The following KIAA1217 variants were observed in gnomAD, a reference collection of about 807,000 sequenced individuals.
The protein encoded by KIAA1217 is sickle tail protein homolog.
In KIAA1217, 88 loss-of-function variants were observed where a neutral mutation model predicts 163.9. The ratio of observed to expected loss-of-function variants is 0.54; its 90% CI spans 0.45 to 0.64. KIAA1217 has a LOEUF of 0.64. Ranked by LOEUF, KIAA1217 falls within the 30% of genes least tolerant of loss-of-function variation. KIAA1217 has a pLI of 0.00. For synonymous variants in KIAA1217, 903 were observed against 923.1 expected (o/e 0.98, Z 0.39); for missense variants, 2,372 against 2,475.0 (o/e 0.96, Z 0.88).
intron 1 of KIAA1217, among the ~76,000 whole-genome samples, chr10:23,846,065 G>T (rs183521292): frequency 1.6e-4 from 25 of 152,124 alleles, no homozygotes; most frequent in Admixed American, 8.5e-4. Flanking sequence ...TTTTTCTGAG[G>T]CCCCTGTTCT....
At chr10:24,017,464 G>A (rs142129714) in intron 2 of KIAA1217, among the ~76,000 whole-genome samples, 2 of 152,100 alleles carry the variant, frequency 1.3e-5, no homozygotes, top group East Asian at 3.9e-4. Context: ...CCACACAGAT[G>A]CCAACCTTAA....
intron 9 of KIAA1217, among the ~76,000 whole-genome samples, chr10:24,502,339 C>G (rs2067764544): frequency 6.8e-6 from 1 of 146,392 alleles, no homozygotes; most frequent in Admixed American, 7.0e-5. Flanking sequence ...GGAAAAAAAG[C>G]CATCATGGTG....
chr10:24,347,605 T>C (rs2047949897), intron 2 of KIAA1217, among the ~76,000 whole-genome samples: 1 of 152,156 alleles, frequency 6.6e-6, no homozygotes, highest in Admixed American at 6.5e-5. Context: ...AATATTTTGT[T>C]TTCATAGCTG....
chr10:24,099,362 G>A (rs371717946), intron 2 of KIAA1217, among the ~76,000 whole-genome samples: 321 of 151,100 alleles, frequency 2.1e-3, no homozygotes, highest in African/African-American at 6.8e-3. Flanking sequence ...AGGTCCCAGT[G>A]AGTGAAGTTC....
At chr10:23,852,457 C>T (rs1839400946) in intron 1 of KIAA1217, among the ~76,000 whole-genome samples, 1 of 152,112 alleles carries the variant, frequency 6.6e-6, no homozygotes, top group Non-Finnish European at 1.5e-5. Context: ...GTGATGCCTC[C>T]AGCTTTGTTC....
At chr10:24,538,979 G>T (rs1361965201) in intron 17 of KIAA1217, among the ~76,000 whole-genome samples, 1 of 151,846 alleles carries the variant, frequency 6.6e-6, no homozygotes, top group Non-Finnish European at 1.5e-5. Flanking sequence ...TGATCCACCC[G>T]CCTCAGCCTC....
At chr10:24,145,389 T>C (rs1162367570) in intron 2 of KIAA1217, among the ~76,000 whole-genome samples, 1 of 152,360 alleles carries the variant, frequency 6.6e-6, no homozygotes, top group Admixed American at 6.5e-5. Flanking sequence ...AACTAAGTAT[T>C]GTACACACCT....
chr10:24,206,054 T>C (rs1484066148), upstream of KIAA1217, among the ~76,000 whole-genome samples: 1 of 152,202 alleles, frequency 6.6e-6, no homozygotes, highest in Non-Finnish European at 1.5e-5. Context: ...TTGTTTTATG[T>C]GGTAGCTCAT....
intron 16 of KIAA1217, among the ~76,000 whole-genome samples, chr10:24,534,993 C>T (rs2073784136): frequency 2.0e-5 from 3 of 151,756 alleles, no homozygotes; most frequent in Non-Finnish European, 4.4e-5. Flanking sequence ...AAATCCGCAA[C>T]TCGATCAATG....
At chr10:24,076,831 A>G (rs1052423486) in intron 2 of KIAA1217, among the ~76,000 whole-genome samples, 1 of 151,906 alleles carries the variant, frequency 6.6e-6, no homozygotes, top group Non-Finnish European at 1.5e-5. Flanking sequence ...AGATGCTGTT[A>G]TACTTTCAGA....
intron 1 of KIAA1217, among the ~76,000 whole-genome samples, chr10:23,844,404 T>G (rs142289209): frequency 0.014 from 2,165 of 152,314 alleles, 31 homozygotes; most frequent in Non-Finnish European, 0.025. Flanking sequence ...CTTACTCTCC[T>G]TCAGCCTACT....
chr10:23,724,108 C>G (rs1249277503), intron 1 of KIAA1217, among the ~76,000 whole-genome samples: 1 of 152,152 alleles, frequency 6.6e-6, no homozygotes, highest in African/African-American at 2.4e-5. Context: ...AGAACGGCAC[C>G]AAGGGGATGG....
At chr10:23,967,310 G>A (rs1845102993) in intron 1 of KIAA1217, among the ~76,000 whole-genome samples, 1 of 151,942 alleles carries the variant, frequency 6.6e-6, no homozygotes, top group South Asian at 2.1e-4. Context: ...TAACAGAAAT[G>A]AATAAGAAGA....
At position 23,858,523 on chromosome 10, in the gene KIAA1217, CAT is replaced by C. The variant is rs202152484; in HGVS notation, c.-320-148701_-320-148700del. Among the ~76,000 whole-genome samples the C allele has an allele frequency of 4.7e-4, 71 of 151,982 alleles. No homozygotes were observed. The East Asian group carries it at 0.013, about 27-fold the overall frequency. ...CACATCTTTAGAGCAGTTGTATACACATGTCTATAGCAGATATCAGTATCATT... is the reference window on the plus strand; with the variant it reads ...CACATCTTTAGAGCAGTTGTATACACGTCTATAGCAGATATCAGTATCATT... On this transcript the variant is annotated intron_variant, in intron 1 of 18. Transcript: ENST00000376462.
intron 5 of KIAA1217, among the ~76,000 whole-genome samples, chr10:24,456,447 T>G (rs2061798888): frequency 6.6e-6 from 1 of 152,144 alleles, no homozygotes; most frequent in South Asian, 2.1e-4. Flanking sequence ...ACAACAATGA[T>G]GGAACTCATT....
At chr10:23,940,460 C>CAAAAAA (rs760090400) in intron 1 of KIAA1217, among the ~76,000 whole-genome samples, 305 of 45,938 alleles carry the variant, frequency 6.6e-3, no homozygotes, top group African/African-American at 0.017. Flanking sequence ...GACTCCGTCT[C>CAAAAAA]AAAAAAAAAA....
intron 2 of KIAA1217, among the ~76,000 whole-genome samples, chr10:24,201,120 A>C (rs1363602552): frequency 1.3e-5 from 2 of 152,042 alleles, no homozygotes; most frequent in East Asian, 3.9e-4. Flanking sequence ...AAAATACAAA[A>C]ATTAGCCAGA....
chr10:24,197,533 G>A (rs1441639589), intron 2 of KIAA1217, among the ~76,000 whole-genome samples: 3 of 152,202 alleles, frequency 2.0e-5, no homozygotes, highest in African/African-American at 4.8e-5. Flanking sequence ...GAACTGAGGC[G>A]GAATGTTGAA....
At position 23,850,381 on chromosome 10, in the gene KIAA1217, C is replaced by T. The variant is rs527992275; in HGVS notation, c.-321+155147C>T. Among the ~76,000 whole-genome samples, 380 of 152,136 alleles carry T rather than the reference C, an allele frequency of 2.5e-3. 4 individuals carry two copies. The highest frequency in any genetic ancestry group is 8.8e-3 in the African/African-American group (367 of 41,528). ...ATCATGGCCTCAATTCTTTTATTTCCTCCCAACACTATTTTAATGAGAATT... is the reference window on the plus strand; with the variant it reads ...ATCATGGCCTCAATTCTTTTATTTCTTCCCAACACTATTTTAATGAGAATT... On this transcript the variant is annotated intron_variant, in intron 1 of 18. Transcript: ENST00000376462.
Sources: allele counts gnomAD v4.1 joint callset (sites outside exome capture counted in the v4.1 genomes callset), GRCh38; gene constraint gnomAD v4.1.1; transcripts MANE v1.5; gene names NCBI Gene and HGNC (gene_info 2026-07-23, HGNC 2026-07-21).